The following IQUB variants were observed in gnomAD, a reference collection of about 807,000 sequenced individuals.
IQUB encodes the protein IQ motif and ubiquitin-like domain-containing protein.
In IQUB, 86 loss-of-function variants were observed where a neutral mutation model predicts 86.4. That is an observed-to-expected ratio of 1.00 (90% CI 0.84 to 1.19). The LOEUF is 1.19. Among genes scored for constraint, IQUB ranks in the 50% most tolerant of loss-of-function variants. IQUB has a pLI of 0.00. For synonymous variants in IQUB, 289 were observed against 304.5 expected (o/e 0.95, Z 0.53); for missense variants, 946 against 916.9 (o/e 1.03, Z -0.41).
At chr7:123,496,549 T>C (rs1255362149) in intron 7 of IQUB, 147 bp downstream of exon 7, 1 of 540,986 alleles carries the variant, frequency 1.8e-6, no homozygotes, top group African/African-American at 1.9e-5. Context: ...AAATATAAAG[T>C]GGTATTCATC....
chr7:123,495,782 T>A (rs957058851), intron 7 of IQUB, among the ~76,000 whole-genome samples: 1 of 152,126 alleles, frequency 6.6e-6, no homozygotes, highest in Non-Finnish European at 1.5e-5. Context: ...TTCCTTTCAT[T>A]CATTCATTCA....
At position 123,469,246 on chromosome 7, in the gene IQUB, C is replaced by A. The variant is rs757720186; in HGVS notation, c.1549G>T (p.Asp517Tyr). The stretch of plus-strand genomic sequence containing the variant: ...GTGTGTTTAAGAGTTAACAGCACAT[C>A]CAGCCTCTCATCTTGGGAGATATTT... ...LKNISQDERL[D>Y]VLLTLKHTVK... is the part of the protein sequence containing the mutation. The change falls in exon 9 of 13, where the codon GAT becomes TAT. Residue 517 changes from aspartate (D) to tyrosine (Y), a missense_variant. Physicochemically the swap from Asp to Tyr is radical, Grantham distance 160. Coordinates refer to ENST00000324698, the MANE Select transcript of IQUB (RefSeq NM_178827.5). 1.2e-6 allele frequency: 2 copies of A among 1,601,448 alleles called. No individual in the cohort carries two copies. Among genetic ancestry groups the A allele is most frequent in the Non-Finnish European group, 1.7e-6 (2 of 1,174,460 alleles).
In IQUB at chr7:123,479,873, T is replaced by C; in HGVS notation, c.1332A>G (p.Ile444Met). The stretch of plus-strand genomic sequence containing the variant: ...ATCTATGTCTCCCAATGGAAGCAAT[T>C]ATCTGAGTCTCTTTTTCCAGAAGTT... ...LCELLEKETQ[I>M]IASIGRHRYI... Residue 444 changes from isoleucine (I) to methionine (M), a missense_variant, in exon 8 of 13, where the codon ATA becomes ATG. Ile to Met is a conservative substitution (Grantham distance 10). Coordinates refer to ENST00000324698, the MANE Select transcript of IQUB (RefSeq NM_178827.5). The C allele has an allele frequency of 6.2e-7, 1 of 1,613,040 alleles. No homozygotes were observed. Among genetic ancestry groups the C allele is most frequent in the Non-Finnish European group, 8.5e-7 (1 of 1,179,332 alleles).
chr7:123,465,166 G>T (rs1794189098), intron 9 of IQUB, among the ~76,000 whole-genome samples, 157 bp from the exon 10 acceptor site: 1 of 151,688 alleles, frequency 6.6e-6, no homozygotes, highest in Non-Finnish European at 1.5e-5. Flanking sequence ...ATTTTTTGTG[G>T]TATATATAGT....
intron 3 of IQUB, among the ~76,000 whole-genome samples, chr7:123,505,541 G>C (rs1182031847): frequency 6.6e-6 from 1 of 152,298 alleles, no homozygotes; most frequent in East Asian, 1.9e-4. Context: ...CCATATGGAA[G>C]CCACCAAGGC....
chr7:123,484,173 A>G (rs1795120726), intron 7 of IQUB, among the ~76,000 whole-genome samples: 1 of 152,092 alleles, frequency 6.6e-6, no homozygotes, highest in Non-Finnish European at 1.5e-5. Context: ...GAAACTGTAC[A>G]GCATGGTCTG....
intron 7 of IQUB, among the ~76,000 whole-genome samples, chr7:123,487,813 G>A (rs1322295391): frequency 6.6e-6 from 1 of 152,104 alleles, no homozygotes; most frequent in African/African-American, 2.4e-5. Flanking sequence ...TGTGTATACT[G>A]CTTTCATAGT....
In IQUB at chr7:123,509,956, G is replaced by A. The variant is rs147181342; in HGVS notation, c.477C>T (p.Asp159=). The A allele has an allele frequency of 6.1e-5, 98 of 1,607,672 alleles. No individual in the cohort carries two copies. The highest frequency in any genetic ancestry group is 7.7e-5 in the Non-Finnish European group (91 of 1,176,006). ...GGATACCTAATAAGTGTGAAAAATG[G>A]TCCTTAAGATATTTAAGAATGGTAT... ...KVDTILKYLK[D]HFSHLLGIPH... is the part of the protein sequence containing the mutation. The change falls in exon 3 of 13, where the codon GAC becomes GAT. Residue 159 remains aspartate (D), a synonymous_variant. Transcript: ENST00000324698.
chr7:123,458,667 G>A (rs1362669785), intron 11 of IQUB, among the ~76,000 whole-genome samples: 3 of 151,794 alleles, frequency 2.0e-5, no homozygotes, highest in Admixed American at 6.6e-5. Context: ...TAATAATTTT[G>A]AAATTGTATC....
At chr7:123,526,933 A>G (rs1377021836) in intron 1 of IQUB, among the ~76,000 whole-genome samples, 1 of 152,040 alleles carries the variant, frequency 6.6e-6, no homozygotes, top group Non-Finnish European at 1.5e-5. Flanking sequence ...TCTGTAAAGT[A>G]TTTTATTTCT....
intron 1 of IQUB, among the ~76,000 whole-genome samples, chr7:123,520,251 C>A (rs961067865): frequency 1.3e-5 from 2 of 151,852 alleles, no homozygotes; most frequent in African/African-American, 2.4e-5. Flanking sequence ...GGATTTTGAT[C>A]TGGTTGGTAG....
At chr7:123,500,570 T>C (rs569586574) in intron 6 of IQUB, among the ~76,000 whole-genome samples, 1 of 152,142 alleles carries the variant, frequency 6.6e-6, no homozygotes, top group African/African-American at 2.4e-5. Flanking sequence ...AAAATAAACA[T>C]GACCCAAGTA....
Position 123,452,896 on chromosome 7 carries a change from G to C in IQUB, c.2223C>G (p.Ile741Met). ...TCTTAGCCAGGATATGTTTGTGTTTGATCTTGTGAATAAATGAGCGTTCAT... is the reference window on the plus strand; with the variant it reads ...TCTTAGCCAGGATATGTTTGTGTTTCATCTTGTGAATAAATGAGCGTTCAT... ...EGYERSFIHKIKHKHILAKNY... is the reference protein window; with the variant it reads ...EGYERSFIHKMKHKHILAKNY... The change falls in exon 13 of 13, where the codon ATC becomes ATG. Residue 741 changes from isoleucine (I) to methionine (M), a missense_variant. Ile to Met is a conservative substitution (Grantham distance 10, BLOSUM62 1). Transcript: ENST00000324698. 1 of 1,612,262 alleles carries C rather than the reference G, an allele frequency of 6.2e-7. No individual in the cohort carries two copies. Among genetic ancestry groups the C allele is most frequent in the Non-Finnish European group, 8.5e-7 (1 of 1,178,964 alleles).
At chr7:123,508,261 C>T (rs1039810813) in intron 3 of IQUB, among the ~76,000 whole-genome samples, 14 of 152,220 alleles carry the variant, frequency 9.2e-5, no homozygotes, top group Non-Finnish European at 2.9e-5. Flanking sequence ...CTTCTGGATC[C>T]TCCAGAGGGA....
Position 123,457,370 on chromosome 7 carries a change from A to G in IQUB, c.2193+11T>C. 3 of 1,602,958 alleles carry G rather than the reference A, an allele frequency of 1.9e-6. No individual in the cohort carries two copies. Among genetic ancestry groups the G allele is most frequent in the Non-Finnish European group, 2.6e-6 (3 of 1,175,962 alleles). On this transcript the variant is annotated intron_variant, in intron 12 of 12. Transcript: ENST00000324698. ...TAAATTAACTTCCCAAATAAAATTCAACTTTCTTACCTCTTCAATACTTGT... is the reference window on the plus strand; with the variant it reads ...TAAATTAACTTCCCAAATAAAATTCGACTTTCTTACCTCTTCAATACTTGT...
At chr7:123,519,738 G>A (rs779292957) in intron 1 of IQUB, among the ~76,000 whole-genome samples, 25 of 152,246 alleles carry the variant, frequency 1.6e-4, no homozygotes, top group Non-Finnish European at 2.2e-4. Context: ...TGATAGCACC[G>A]TACGGTGACT....
chr7:123,512,190 G>A lies in IQUB; in HGVS notation c.151C>T (p.Gln51Ter), dbSNP rs1431870224. ...TGTATTGCATGGCTCTCACTGAATTGTTCTATTCCAGATTCATGCTCTTCA... is the reference window on the plus strand; with the variant it reads ...TGTATTGCATGGCTCTCACTGAATTATTCTATTCCAGATTCATGCTCTTCA... ...QTEEHESGIEQFSESHAIHVE... is the reference protein window; with the variant it reads ...QTEEHESGIE Residue 51 changes from glutamine to a stop codon, truncating the protein, a stop_gained, in exon 2 of 13, where the codon CAA becomes TAA. Coordinates refer to ENST00000324698, the MANE Select transcript of IQUB (RefSeq NM_178827.5). LOFTEE classifies it high-confidence loss of function. 1.2e-6 allele frequency: 2 copies of A among 1,613,978 alleles called. No homozygotes were observed. The highest frequency in any genetic ancestry group is 1.7e-6 in the Non-Finnish European group (2 of 1,179,940).
intron 1 of IQUB, among the ~76,000 whole-genome samples, chr7:123,534,115 C>T (rs1399639313): frequency 1.3e-5 from 2 of 152,092 alleles, no homozygotes; most frequent in Admixed American, 6.5e-5. Flanking sequence ...TCTAAAATCT[C>T]TCGACTTAAT....
intron 9 of IQUB, among the ~76,000 whole-genome samples, chr7:123,466,503 C>T (rs895261775): frequency 6.6e-6 from 1 of 152,086 alleles, no homozygotes; most frequent in Non-Finnish European, 1.5e-5. Context: ...AGGTGGGTCA[C>T]TACACAAACA....
Sources: allele counts gnomAD v4.1 joint callset (sites outside exome capture counted in the v4.1 genomes callset), GRCh38; gene constraint gnomAD v4.1.1; transcripts MANE v1.5; gene names NCBI Gene and HGNC (gene_info 2026-07-23, HGNC 2026-07-21).